Variants in FAM107A observed in about 807,000 individuals in gnomAD.
The protein encoded by FAM107A is actin-associated protein FAM107A.
Under a neutral mutation model 13.7 loss-of-function variants are expected in FAM107A, and 19 were observed. That is an observed-to-expected ratio of 1.38 (90% CI 0.97 to 2.03). FAM107A has a LOEUF of 2.03. FAM107A is among the 30% of genes most tolerant of loss of function. The probability of loss-of-function intolerance (pLI) is 0.00; values close to 1 mark genes in which losing one functional copy is unlikely to be tolerated. For missense variants in FAM107A, 203 were observed against 184.4 expected (o/e 1.10, Z -0.58); for synonymous variants, 82 against 74.5 (o/e 1.10, Z -0.52).
intron 1 of FAM107A, among the ~76,000 whole-genome samples, chr3:58,594,161 C>T (rs1246738873): frequency 2.0e-5 from 3 of 152,194 alleles, no homozygotes; most frequent in Non-Finnish European, 4.4e-5. Context: ...TTTTCAGCTC[C>T]GCATTACAGA....
chr3:58,567,168 C>T (rs2063630222), intron 3 of FAM107A, 40 bp downstream of exon 3: 3 of 1,611,918 alleles, frequency 1.9e-6, no homozygotes, highest in African/African-American at 2.7e-5. Flanking sequence ...GAGGACAGCC[C>T]TGGAGGATGC....
intron 1 of FAM107A, among the ~76,000 whole-genome samples, chr3:58,614,077 C>T (rs1468759819): frequency 6.6e-6 from 1 of 152,172 alleles, no homozygotes; most frequent in African/African-American, 2.4e-5. Flanking sequence ...TGACTCTGGC[C>T]TGGCTCTGGC....
chr3:58,574,630 C>T (rs571829126), intron 1 of FAM107A, among the ~76,000 whole-genome samples: 3 of 152,276 alleles, frequency 2.0e-5, no homozygotes, highest in East Asian at 3.9e-4. Context: ...GTGGAGGCCA[C>T]CAGTAGGCGA....
At chr3:58,580,740 C>T (rs1300782060), upstream of FAM107A, among the ~76,000 whole-genome samples, 1 of 151,948 alleles carries the variant, frequency 6.6e-6, no homozygotes, top group African/African-American at 2.4e-5. Flanking sequence ...TCTCTGGGGG[C>T]TCATTTATAT....
chr3:58,566,693 C>T lies in FAM107A; in HGVS notation c.330G>A (p.Leu110=), dbSNP rs768765597. 1.2e-6 allele frequency: 2 copies of T among 1,611,958 alleles called. No individual in the cohort carries two copies. Among genetic ancestry groups the T allele is most frequent in the South Asian group, 1.1e-5 (1 of 91,010 alleles). Residue 110 remains leucine (L), a splice_region_variant and synonymous_variant, in exon 4 of 4, where the codon CTG becomes CTA. Transcript: ENST00000360997. ...CCTCTTCCTTCTCTGGTGGTTTTTCCAGCTGAAGGAGGGAGAAGCAGAGAG... is the reference window on the plus strand; with the variant it reads ...CCTCTTCCTTCTCTGGTGGTTTTTCTAGCTGAAGGAGGGAGAAGCAGAGAG... ...LLRRQQRLNQ[L]EKPPEKEEDH...
At chr3:58,615,714 G>A (rs1376490359) in intron 1 of FAM107A, among the ~76,000 whole-genome samples, 1 of 151,866 alleles carries the variant, frequency 6.6e-6, no homozygotes, top group Non-Finnish European at 1.5e-5. Context: ...TGGGCAACAT[G>A]GTGAGACACT....
chr3:58,607,063 T>C (rs1455553849), intron 1 of FAM107A: 2 of 152,242 alleles, frequency 1.3e-5, no homozygotes, highest in African/African-American at 2.4e-5. Flanking sequence ...TTGTCTTTTC[T>C]TCCCCCTTAA....
chr3:58,575,363 G>A (rs1057406342), intron 1 of FAM107A, among the ~76,000 whole-genome samples: 1 of 152,168 alleles, frequency 6.6e-6, no homozygotes, highest in East Asian at 1.9e-4. Flanking sequence ...GCCTGGCAGA[G>A]TGATGCTCAC....
At position 58,626,848 on chromosome 3, in the gene FAM107A, G is replaced by A. The variant is rs572131419; in HGVS notation, c.-70+568C>T. On this transcript the variant is annotated intron_variant, in intron 1 of 3. Coordinates refer to the FAM107A transcript ENST00000465970. ...ATGCAAGTCTTGGCTGTGAGTTCCAGGGGGAGGGCTGGTGGGCACTGCCGG... is the reference window on the plus strand; with the variant it reads ...ATGCAAGTCTTGGCTGTGAGTTCCAAGGGGAGGGCTGGTGGGCACTGCCGG... The A allele has an allele frequency of 5.2e-5, 47 of 903,250 alleles. No homozygotes were observed. The African/African-American group carries it at 7.2e-4, about 14-fold the overall frequency. 56.0% of individuals were successfully genotyped at this position (903,250 alleles called of 1,614,324 possible).
At chr3:58,618,711 C>G (rs1039026633) in intron 1 of FAM107A, among the ~76,000 whole-genome samples, 1 of 152,188 alleles carries the variant, frequency 6.6e-6, no homozygotes, top group Non-Finnish European at 1.5e-5. Context: ...CATCTTGGGC[C>G]CCCTGTGACC....
At chr3:58,572,233 A>G (rs1355441243) in intron 1 of FAM107A, among the ~76,000 whole-genome samples, 1 of 152,192 alleles carries the variant, frequency 6.6e-6, no homozygotes, top group Non-Finnish European at 1.5e-5. Flanking sequence ...CACTGGACAC[A>G]CAGAGGAGAA....
exon 1 of FAM107A, chr3:58,586,865 G>T: frequency 2.6e-6 from 4 of 1,532,780 alleles, no homozygotes; most frequent in Non-Finnish European, 3.5e-6. Context: ...TACCCGACCG[G>T]AGCAGCACAG....
At chr3:58,602,972 AC>A (rs2065764958) in intron 1 of FAM107A, among the ~76,000 whole-genome samples, 2 of 152,192 alleles carry the variant, frequency 1.3e-5, no homozygotes. Context: ...AAGAATATGA[AC>A]CAAAATGTCC....
At chr3:58,591,920 A>G (rs531660363), upstream of FAM107A, among the ~76,000 whole-genome samples, 17 of 152,242 alleles carry the variant, frequency 1.1e-4, no homozygotes, top group African/African-American at 3.9e-4. The surrounding 1 kb of genome is among the most constrained non-coding windows in gnomAD (Gnocchi z 4.3). Context: ...CAGCCACATA[A>G]AGGCCTCTGT....
chr3:58,586,879 G>T (rs531968436), exon 1 of FAM107A: 9 of 1,533,288 alleles, frequency 5.9e-6, no homozygotes, highest in Non-Finnish European at 7.0e-6. Flanking sequence ...AGCACAGCCC[G>T]GTAGAGCCCG....
At chr3:58,588,274 T>G (rs1215194011), upstream of FAM107A, among the ~76,000 whole-genome samples, 1 of 152,246 alleles carries the variant, frequency 6.6e-6, no homozygotes, top group Non-Finnish European at 1.5e-5. Context: ...AATCTTGAGC[T>G]GACTGTTGTG....
chr3:58,611,086 T>C (rs2065849709), intron 1 of FAM107A, among the ~76,000 whole-genome samples: 1 of 152,232 alleles, frequency 6.6e-6, no homozygotes, highest in African/African-American at 2.4e-5. Context: ...CCATGTCACC[T>C]TGTGAAGAAA....
chr3:58,585,057 A>G (rs1158443294), intron 1 of FAM107A, among the ~76,000 whole-genome samples: 2 of 152,202 alleles, frequency 1.3e-5, no homozygotes, highest in African/African-American at 4.8e-5. Context: ...AGCCAGGGAT[A>G]TTAAGTGCTT....
Position 58,605,630 on chromosome 3 carries a change from T to C in FAM107A, c.-69-16361A>G, listed in dbSNP as rs1391872896. Among the ~76,000 whole-genome samples the C allele has an allele frequency of 3.3e-5, 5 of 152,332 alleles. No homozygotes were observed. In the East Asian group the frequency reaches 9.6e-4, roughly 29 times the overall value. On this transcript the variant is annotated intron_variant, in intron 1 of 3. Transcript: ENST00000465970. ...CACTGCCTGAGAACATTGTCTCTTA[T>C]TTTGCCAAGTGTCAAGTTGTTTTTA...
Sources: allele counts gnomAD v4.1 joint callset (sites outside exome capture counted in the v4.1 genomes callset), GRCh38; gene constraint gnomAD v4.1.1; non-coding constraint Gnocchi (gnomAD v3.1); transcripts MANE v1.5; gene names NCBI Gene and HGNC (gene_info 2026-07-23, HGNC 2026-07-21).